Variants in CADM2 observed in about 807,000 individuals in gnomAD.
The protein encoded by CADM2 is immunoglobulin superfamily member 4D.
In CADM2, 12 loss-of-function variants were observed where a neutral mutation model predicts 49.8. That is an observed-to-expected ratio of 0.24 (90% CI 0.15 to 0.39). The LOEUF (loss-of-function observed/expected upper bound fraction) is 0.39. CADM2 is among the 10% of genes least tolerant of loss of function. The pLI is 1.00. For synonymous variants in CADM2, 214 were observed against 175.4 expected, an observed-to-expected ratio of 1.22 and a Z score of -1.74; for missense variants, 378 against 492.3, an observed-to-expected ratio of 0.77 and a Z score of 2.20.
chr3:85,856,489 C>T (rs1045481205), intron 3 of CADM2, among the ~76,000 whole-genome samples: 9 of 152,134 alleles, frequency 5.9e-5, no homozygotes, highest in African/African-American at 2.2e-4. Context: ...TTATCTCAAA[C>T]TATATGCTAC....
chr3:85,379,552 A>C (rs1464875346), intron 1 of CADM2, among the ~76,000 whole-genome samples: 6 of 152,104 alleles, frequency 3.9e-5, no homozygotes, highest in East Asian at 3.9e-4. Flanking sequence ...ATTGCATTTT[A>C]ATGCAATTTT....
intron 1 of CADM2, among the ~76,000 whole-genome samples, chr3:85,095,668 C>T (rs541265591): frequency 4.6e-5 from 7 of 152,188 alleles, no homozygotes; most frequent in African/African-American, 1.7e-4. Context: ...TAACCTAAGG[C>T]TTCTTTGGCC....
intron 1 of CADM2, among the ~76,000 whole-genome samples, chr3:85,497,551 C>T (rs10433499): frequency 0.6 from 90,551 of 151,968 alleles, 28,416 homozygotes; most frequent in East Asian, 0.93. Context: ...AAAAACAAAA[C>T]AGATTGTTTA....
intron 1 of CADM2, among the ~76,000 whole-genome samples, chr3:85,470,021 A>C (rs915001257): frequency 3.9e-5 from 6 of 152,200 alleles, no homozygotes; most frequent in African/African-American, 1.4e-4. Context: ...TGAGATGCTC[A>C]ATCCTCAATA....
chr3:85,544,550 C>T (rs2061620653), intron 1 of CADM2, among the ~76,000 whole-genome samples: 1 of 151,852 alleles, frequency 6.6e-6, no homozygotes, highest in African/African-American at 2.4e-5. Context: ...GCACTCCTGC[C>T]TGGGCGACAG....
intron 1 of CADM2, among the ~76,000 whole-genome samples, chr3:85,255,329 T>C (rs2042862094): frequency 6.6e-6 from 1 of 152,024 alleles, no homozygotes; most frequent in Non-Finnish European, 1.5e-5. Flanking sequence ...CTTAAAGGTA[T>C]TTAAAGAAGA....
chr3:85,722,888 C>T (rs755669176), intron 1 of CADM2, among the ~76,000 whole-genome samples: 9 of 152,094 alleles, frequency 5.9e-5, no homozygotes, highest in Non-Finnish European at 1.0e-4. Flanking sequence ...GACAGAGATA[C>T]ATCTTCCAAA....
chr3:85,516,751 A>G (rs1323750266), intron 1 of CADM2, among the ~76,000 whole-genome samples: 1 of 152,084 alleles, frequency 6.6e-6, no homozygotes, highest in Non-Finnish European at 1.5e-5. Flanking sequence ...GGGGCAAATA[A>G]TTTCAAAATG....
chr3:85,887,130 C>A (rs1161737224), intron 5 of CADM2, among the ~76,000 whole-genome samples: 1 of 152,142 alleles, frequency 6.6e-6, no homozygotes, highest in Non-Finnish European at 1.5e-5. Flanking sequence ...CTCTGTCACG[C>A]AGGCTGGAAT....
At chr3:85,228,090 T>C (rs2042201912) in intron 1 of CADM2, among the ~76,000 whole-genome samples, 1 of 152,158 alleles carries the variant, frequency 6.6e-6, no homozygotes, top group Non-Finnish European at 1.5e-5. Context: ...GTGAATCTGA[T>C]GATTATGTGC....
rs1553665815 is a variant in CADM2 at position 85,697,071 on chromosome 3, T to TATATATATATGGC, written c.62-29440_62-29439insGCATATATATATG. Among the ~76,000 whole-genome samples, 38 of 141,686 alleles carry TATATATATATGGC rather than the reference T, an allele frequency of 2.7e-4. 1 individual carries two copies. Among genetic ancestry groups the TATATATATATGGC allele is most frequent in the Middle Eastern group, 3.7e-3 (1 of 270 alleles). The allele number at this position is 141,686 out of a possible 152,430, so 93.0% of individuals were successfully genotyped here. On this transcript the variant is annotated intron_variant, in intron 1 of 9. Coordinates refer to ENST00000383699, the MANE Select transcript of CADM2 (RefSeq NM_001167675.2). ...TAGCACTACCCTACTGTCTTAATTA[T>TATATATATATGGC]ATATATATATGCCATATATATATAT...
At chr3:85,713,143 G>A (rs2067166383) in intron 1 of CADM2, among the ~76,000 whole-genome samples, 1 of 152,116 alleles carries the variant, frequency 6.6e-6, no homozygotes, top group South Asian at 2.1e-4. Flanking sequence ...TATCTCCCAG[G>A]CTGGAGTGAA....
chr3:85,943,154 T>A (rs1722170894), intron 7 of CADM2, among the ~76,000 whole-genome samples: 1 of 151,078 alleles, frequency 6.6e-6, no homozygotes, highest in African/African-American at 2.5e-5. Flanking sequence ...TGTCTGTTCA[T>A]GTCCTTCACC....
chr3:86,003,828 A>G (rs1730462352), intron 8 of CADM2, among the ~76,000 whole-genome samples: 2 of 152,230 alleles, frequency 1.3e-5, no homozygotes, highest in Admixed American at 1.3e-4. Flanking sequence ...AGCAAAGATT[A>G]CTTCAGAAGG....
chr3:85,837,260 A>G (rs2074453123), intron 3 of CADM2, among the ~76,000 whole-genome samples: 1 of 151,640 alleles, frequency 6.6e-6, no homozygotes, highest in Non-Finnish European at 1.5e-5. Flanking sequence ...AAATGCCACT[A>G]AAATAAAGGG....
At chr3:85,213,406 G>T (rs1027328039) in intron 1 of CADM2, among the ~76,000 whole-genome samples, 6 of 151,540 alleles carry the variant, frequency 4.0e-5, no homozygotes, top group African/African-American at 1.5e-4. Context: ...CTCTCTCCTG[G>T]CCTATAAGAT....
intron 3 of CADM2, among the ~76,000 whole-genome samples, chr3:85,840,006 T>C (rs1342963501): frequency 6.6e-6 from 1 of 151,928 alleles, no homozygotes; most frequent in Non-Finnish European, 1.5e-5. Context: ...TTGTATACTT[T>C]AAGTTTCTCT....
At chr3:85,000,258 T>A (rs2033395913) in intron 1 of CADM2, among the ~76,000 whole-genome samples, 1 of 151,704 alleles carries the variant, frequency 6.6e-6, no homozygotes, top group African/African-American at 2.4e-5. Context: ...GGACTACAGG[T>A]GTGCATCACC....
chr3:85,439,512 G>A (rs911923409), intron 1 of CADM2, among the ~76,000 whole-genome samples: 7 of 152,082 alleles, frequency 4.6e-5, no homozygotes, highest in African/African-American at 1.4e-4. Flanking sequence ...TTATTTATAA[G>A]TTGCAAACAA....
Sources: allele counts gnomAD v4.1 joint callset (sites outside exome capture counted in the v4.1 genomes callset), GRCh38; gene constraint gnomAD v4.1.1; transcripts MANE v1.5; gene names NCBI Gene and HGNC (gene_info 2026-07-23, HGNC 2026-07-21).